TNRC6B: variants seen among roughly 807,000 people sequenced by gnomAD.
TNRC6B encodes the protein trinucleotide repeat-containing gene 6B protein.
A neutral mutation model predicts 203.6 loss-of-function variants in TNRC6B; 52 were observed. The observed-to-expected ratio is 0.26, with a 90% CI of 0.20 to 0.32. The LOEUF is 0.32. Among genes scored for constraint, TNRC6B ranks in the 10% least tolerant of loss-of-function variants. The probability of loss-of-function intolerance (pLI) is 1.00; values close to 1 mark genes in which losing one functional copy is unlikely to be tolerated. For synonymous variants in TNRC6B, 838 were observed against 845.7 expected (o/e 0.99, Z 0.16); for missense variants, 1,923 against 2,286.2 (o/e 0.84, Z 3.24).
chr22:40,241,895 ATGT>A (rs1380235161), intron 1 of TNRC6B, among the ~76,000 whole-genome samples: 2 of 152,028 alleles, frequency 1.3e-5, no homozygotes, highest in African/African-American at 4.8e-5. Context: ...TTTGATGTTG[ATGT>A]TGTTCCAGAT....
intron 1 of TNRC6B, among the ~76,000 whole-genome samples, chr22:40,228,355 G>A (rs1286154406): frequency 3.3e-5 from 5 of 151,646 alleles, no homozygotes; most frequent in African/African-American, 4.8e-5. Context: ...GCTTGAACCC[G>A]GGAGGCGGAG....
chr22:40,138,811 C>T (rs995876165), intron 3 of TNRC6B, among the ~76,000 whole-genome samples: 2 of 151,926 alleles, frequency 1.3e-5, no homozygotes, highest in Non-Finnish European at 2.9e-5. Flanking sequence ...TTCACTCTCT[C>T]AAAGTACCAA....
intron 21 of TNRC6B, among the ~76,000 whole-genome samples, chr22:40,316,495 T>A (rs2071261610): frequency 6.6e-6 from 1 of 151,970 alleles, no homozygotes; most frequent in Admixed American, 6.6e-5. Flanking sequence ...AGACCCTGTT[T>A]CTACAAAAAA....
intron 1 of TNRC6B, among the ~76,000 whole-genome samples, chr22:40,083,376 A>T (rs1414576040): frequency 6.6e-6 from 1 of 152,156 alleles, no homozygotes. Context: ...TATTCATTGG[A>T]TTGGCAGCAT....
At chr22:40,316,876 C>A (rs766669075) in intron 21 of TNRC6B, among the ~76,000 whole-genome samples, 6 of 151,960 alleles carry the variant, frequency 3.9e-5, no homozygotes, top group Non-Finnish European at 7.4e-5. Context: ...TAGGTAAAAC[C>A]CACTAGAGAG....
chr22:40,099,531 C>T (rs2068215320), intron 1 of TNRC6B, among the ~76,000 whole-genome samples: 1 of 152,044 alleles, frequency 6.6e-6, no homozygotes, highest in Non-Finnish European at 1.5e-5. Flanking sequence ...CAGAAATATT[C>T]AGGAAAAAAA....
rs1427240135 is a variant in TNRC6B, at chr22:40,322,972, G to A, written c.5233G>A (p.Gly1745Arg). ...PAATPSAPAA[G>R]WQSLETGQNQ... Reference sequence around the variant, plus strand: ...AGCAACCCCAAGTGCGCCAGCTGCGGGGTGGCAGTCGCTGGAGACCGGCCA... The same window carrying A: ...AGCAACCCCAAGTGCGCCAGCTGCGAGGTGGCAGTCGCTGGAGACCGGCCA... Residue 1745 changes from glycine (G) to arginine (R), a missense_variant, in exon 23 of 23, where the codon GGG becomes AGG. By Grantham distance (125) the Gly-to-Arg change is moderately radical. Transcript: ENST00000454349. 3 of 1,612,406 alleles carry A rather than the reference G, an allele frequency of 1.9e-6. No homozygotes were observed. The highest frequency in any genetic ancestry group is 2.5e-6 in the Non-Finnish European group (3 of 1,179,238).
chr22:40,086,580 A>C (rs1213506707), intron 1 of TNRC6B, among the ~76,000 whole-genome samples: 4 of 152,208 alleles, frequency 2.6e-5, no homozygotes, highest in Admixed American at 6.5e-5. Context: ...TCAGCAGGAA[A>C]GGATATATGG....
intron 1 of TNRC6B, among the ~76,000 whole-genome samples, chr22:40,056,673 C>T (rs1008684650): frequency 2.0e-5 from 3 of 151,892 alleles, no homozygotes; most frequent in African/African-American, 7.3e-5. Context: ...TGGCACATGC[C>T]TGTAGTCCTA....
At chr22:40,178,783 A>G (rs2069097879) in intron 1 of TNRC6B, among the ~76,000 whole-genome samples, 1 of 151,954 alleles carries the variant, frequency 6.6e-6, no homozygotes, top group South Asian at 2.1e-4. Flanking sequence ...GCGCGCGCTC[A>G]TTTGCACTGG....
chr22:40,153,501 A>G (rs1035763953), intron 3 of TNRC6B, among the ~76,000 whole-genome samples: 4 of 151,946 alleles, frequency 2.6e-5, no homozygotes, highest in Non-Finnish European at 5.9e-5. Flanking sequence ...GTTCTGTTGG[A>G]GAGTTTGAGG....
intron 1 of TNRC6B, among the ~76,000 whole-genome samples, chr22:40,204,036 A>G (rs1445686542): frequency 5.9e-5 from 9 of 152,240 alleles, no homozygotes; most frequent in Non-Finnish European, 1.3e-4. Flanking sequence ...TTCTTAATAA[A>G]TAAAAGCGAA....
At position 40,187,012 on chromosome 22, in the gene TNRC6B, A is replaced by G. The variant is rs531941745; in HGVS notation, c.5+8872A>G. 7.2e-5 allele frequency among the ~76,000 whole-genome samples: 11 copies of G among 152,334 alleles called. No individual in the cohort carries two copies. The East Asian group carries it at 2.1e-3, about 29-fold the overall frequency. On this transcript the variant is annotated intron_variant, in intron 1 of 22. Transcript: ENST00000454349. Reference sequence around the variant, plus strand: ...TACTTTTTCATGGAAAAGTAGGTTCACATACCCACGTTTTTCCAAACATAA... The same window carrying G: ...TACTTTTTCATGGAAAAGTAGGTTCGCATACCCACGTTTTTCCAAACATAA...
intron 1 of TNRC6B, among the ~76,000 whole-genome samples, chr22:40,205,820 C>G (rs949476661): frequency 1.3e-5 from 2 of 152,294 alleles, no homozygotes; most frequent in Non-Finnish European, 2.9e-5. Context: ...CTTTGATTGG[C>G]AGAACCCACC....
chr22:40,315,462 C>T lies in TNRC6B; in HGVS notation c.4858C>T (p.Arg1620Ter). The T allele has an allele frequency of 1.2e-6, 2 of 1,614,008 alleles. No individual in the cohort carries two copies. The highest frequency in any genetic ancestry group is 1.7e-6 in the Non-Finnish European group (2 of 1,179,882). Reference sequence around the variant, plus strand: ...ATCTCCCTGGAGCAGCACAGCACCCCGATCAGTCAGGGGGTGGGGGACACA... The same window carrying T: ...ATCTCCCTGGAGCAGCACAGCACCCTGATCAGTCAGGGGGTGGGGGACACA... ...PSSPWSSTAPRSVRGWGTQDS... is the reference protein window; with the variant it reads ...PSSPWSSTAP The change falls in exon 20 of 23, where the codon CGA becomes TGA. Residue 1620 changes from arginine (R) to a stop codon, truncating the protein, a stop_gained. Coordinates refer to ENST00000454349, the MANE Select transcript of TNRC6B (RefSeq NM_001162501.2). LOFTEE classifies it high-confidence loss of function.
intron 1 of TNRC6B, among the ~76,000 whole-genome samples, chr22:40,226,486 C>G (rs1290933132): frequency 1.3e-5 from 2 of 152,180 alleles, no homozygotes; most frequent in African/African-American, 4.8e-5. Context: ...CGTGTGATCT[C>G]AGGAGCAGAG....
chr22:40,221,462 CA>C (rs945926380), intron 1 of TNRC6B, among the ~76,000 whole-genome samples: 17 of 152,256 alleles, frequency 1.1e-4, no homozygotes, highest in African/African-American at 3.6e-4. Flanking sequence ...CTTTTTGAGA[CA>C]AGATCTTGCT....
intron 1 of TNRC6B, among the ~76,000 whole-genome samples, chr22:40,197,148 C>T (rs1365623049): frequency 4.6e-5 from 7 of 152,156 alleles, no homozygotes; most frequent in East Asian, 3.9e-4. Flanking sequence ...ATGCAGATGA[C>T]GGGAACAGCT....
intron 1 of TNRC6B, among the ~76,000 whole-genome samples, chr22:40,230,978 A>G (rs1468611284): frequency 6.6e-6 from 1 of 152,080 alleles, no homozygotes; most frequent in Non-Finnish European, 1.5e-5. Context: ...TTCTAACATC[A>G]TTTGTTGAAA....
Sources: gnomAD v4.1 joint callset for allele counts (sites outside exome capture counted in the v4.1 genomes callset) on GRCh38, gnomAD v4.1.1 for gene constraint, MANE v1.5 for transcripts, NCBI Gene and HGNC (gene_info 2026-07-23, HGNC 2026-07-21) for gene names.